The following CMIP variants were observed in gnomAD, a reference collection of about 807,000 sequenced individuals.
CMIP encodes c-Maf inducing protein, also known as C-Maf-inducing protein.
In CMIP, 13 loss-of-function variants were observed where a neutral mutation model predicts 97.3. The ratio of observed to expected loss-of-function variants is 0.13; its 90% CI spans 0.09 to 0.21. The LOEUF is 0.21. Among genes scored for constraint, CMIP ranks in the 10% least tolerant of loss-of-function variants. The pLI is 1.00. For synonymous variants in CMIP, 538 were observed against 436.3 expected, an observed-to-expected ratio of 1.23 and a Z score of -2.91; for missense variants, 847 against 1,024.9, an observed-to-expected ratio of 0.83 and a Z score of 2.37.
At chr16:81,629,875 C>T (rs1467994457) in intron 3 of CMIP, among the ~76,000 whole-genome samples, 1 of 152,218 alleles carries the variant, frequency 6.6e-6, no homozygotes, top group Non-Finnish European at 1.5e-5. Context: ...TTATAGATAA[C>T]GCAGCCATGA....
chr16:81,590,065 G>T (rs982331833), intron 1 of CMIP, among the ~76,000 whole-genome samples: 1 of 152,154 alleles, frequency 6.6e-6, no homozygotes, highest in Non-Finnish European at 1.5e-5. Context: ...CAGAGCTTCT[G>T]AAGCTCACTA....
rs1374820058 is a variant in CMIP at position 81,453,971 on chromosome 16, T to A, written c.300+8430T>A. On this transcript the variant is annotated intron_variant, in intron 1 of 20. Coordinates refer to ENST00000537098, the MANE Select transcript of CMIP (RefSeq NM_198390.3). This position sits in a 1 kb window ranked among gnomAD's most constrained non-coding sequence, Gnocchi z 4.0. Reference sequence around the variant, plus strand: ...AGGAGAGCATGGAAGCGATGACTACTCCCACCCCAGCATCCTTGGGATGCA... The same window carrying A: ...AGGAGAGCATGGAAGCGATGACTACACCCACCCCAGCATCCTTGGGATGCA... Among the ~76,000 whole-genome samples the A allele has an allele frequency of 6.6e-6, 1 of 152,256 alleles. No homozygotes were observed. The highest frequency in any genetic ancestry group is 2.4e-5 in the African/African-American group (1 of 41,546).
At chr16:81,448,991 C>T (rs146811460) in intron 1 of CMIP, among the ~76,000 whole-genome samples, 40 of 152,346 alleles carry the variant, frequency 2.6e-4, no homozygotes, top group East Asian at 2.5e-3. Context: ...CATAAGCGGC[C>T]GGGTTCGGCA....
intron 3 of CMIP, among the ~76,000 whole-genome samples, chr16:81,637,960 A>G (rs1293048990): frequency 6.6e-6 from 1 of 152,138 alleles, no homozygotes; most frequent in Non-Finnish European, 1.5e-5. Context: ...TTCTAAGGGC[A>G]CTGATCCCAT....
chr16:81,615,308 T>TATG (rs2091898313), intron 2 of CMIP, among the ~76,000 whole-genome samples: 1 of 87,772 alleles, frequency 1.1e-5, no homozygotes. Context: ...GTGTAACTGG[T>TATG]GTGTGTGTAT....
intron 1 of CMIP, among the ~76,000 whole-genome samples, chr16:81,580,050 G>C (rs779646284): frequency 1.3e-5 from 2 of 152,228 alleles, no homozygotes; most frequent in Non-Finnish European, 1.5e-5. Flanking sequence ...CTGAAGAACG[G>C]ATATTTCCAG....
intron 10 of CMIP, among the ~76,000 whole-genome samples, chr16:81,687,971 G>T (rs1905601373): frequency 6.6e-6 from 1 of 152,244 alleles, no homozygotes; most frequent in African/African-American, 2.4e-5. Flanking sequence ...CCTCTGGGTA[G>T]ATCCCATGAG....
At chr16:81,676,174 C>G (rs1904304961) in intron 9 of CMIP, among the ~76,000 whole-genome samples, 2 of 152,192 alleles carry the variant, frequency 1.3e-5, no homozygotes, top group African/African-American at 4.8e-5. Flanking sequence ...CTGCCTCGTG[C>G]CAGCCCTGGC....
intron 3 of CMIP, among the ~76,000 whole-genome samples, chr16:81,626,140 C>T (rs907228317): frequency 1.3e-4 from 20 of 152,260 alleles, no homozygotes; most frequent in Admixed American, 3.3e-4. Flanking sequence ...CATCCAGGCC[C>T]AGGCCTCTGT....
chr16:81,650,019 A>G (rs2092408909), intron 3 of CMIP, among the ~76,000 whole-genome samples: 1 of 152,172 alleles, frequency 6.6e-6, no homozygotes, highest in Non-Finnish European at 1.5e-5. Flanking sequence ...GCTTTGGTTG[A>G]CAGTAACTAG....
chr16:81,588,137 C>A (rs2091412121), intron 1 of CMIP, among the ~76,000 whole-genome samples: 1 of 152,288 alleles, frequency 6.6e-6, no homozygotes, highest in African/African-American at 2.4e-5. Context: ...TAGGATCAAA[C>A]AGAACGAGAC....
At chr16:81,624,933 C>T (rs531151353) in intron 3 of CMIP, among the ~76,000 whole-genome samples, 1 of 152,146 alleles carries the variant, frequency 6.6e-6, no homozygotes, top group South Asian at 2.1e-4. Flanking sequence ...GGTTGTAGCT[C>T]CCATGTTGGA....
chr16:81,637,802 C>T lies in CMIP; in HGVS notation c.478-14401C>T, dbSNP rs115622142. 2.5e-3 allele frequency among the ~76,000 whole-genome samples: 379 copies of T among 152,212 alleles called. 1 individual carries two copies. The highest frequency in any genetic ancestry group is 8.8e-3 in the African/African-American group (367 of 41,540). The stretch of plus-strand genomic sequence containing the variant: ...GGCTGGGACCTGCCAGCCTCCCTGG[C>T]GCAACAGAAATTCATTTCTCATGGT... On this transcript the variant is annotated intron_variant, in intron 3 of 20. Coordinates refer to ENST00000537098, the MANE Select transcript of CMIP (RefSeq NM_198390.3).
intron 1 of CMIP, among the ~76,000 whole-genome samples, chr16:81,568,039 G>GTGTGTGTGT (rs10629229): frequency 6.5e-4 from 54 of 82,542 alleles, no homozygotes; most frequent in South Asian, 6.4e-3. Context: ...GTGTGTGTGT[G>GTGTGTGTGT]TTTTTTTTTT....
At chr16:81,552,679 G>A (rs1000733105) in intron 1 of CMIP, among the ~76,000 whole-genome samples, 3 of 152,180 alleles carry the variant, frequency 2.0e-5, no homozygotes, top group African/African-American at 4.8e-5. Context: ...CATCTGCAAC[G>A]TCTCTTCTGC....
chr16:81,450,225 A>G (rs1906124185), intron 1 of CMIP, among the ~76,000 whole-genome samples: 1 of 152,212 alleles, frequency 6.6e-6, no homozygotes, highest in South Asian at 2.1e-4. Flanking sequence ...TTTTGTTGGC[A>G]TGGACATTGC....
intron 1 of CMIP, among the ~76,000 whole-genome samples, chr16:81,494,088 CT>C (rs2089449327): frequency 1.3e-5 from 2 of 152,228 alleles, no homozygotes; most frequent in African/African-American, 2.4e-5. Flanking sequence ...GGTAACACCC[CT>C]GTCCACCTGG....
At chr16:81,689,747 G>A (rs1270392814) in intron 10 of CMIP, among the ~76,000 whole-genome samples, 2 of 152,176 alleles carry the variant, frequency 1.3e-5, no homozygotes, top group Admixed American at 1.3e-4. Flanking sequence ...TGTCCTGAAA[G>A]GTATTGCCTA....
intron 3 of CMIP, among the ~76,000 whole-genome samples, chr16:81,649,814 G>A (rs958898883): frequency 3.2e-4 from 49 of 152,314 alleles, no homozygotes; most frequent in African/African-American, 1.1e-3. Context: ...GGTGGATTTT[G>A]TGAGATCATT....
Sources: allele counts gnomAD v4.1 joint callset (sites outside exome capture counted in the v4.1 genomes callset), GRCh38; gene constraint gnomAD v4.1.1; non-coding constraint Gnocchi (gnomAD v3.1); transcripts MANE v1.5; gene names NCBI Gene and HGNC (gene_info 2026-07-23, HGNC 2026-07-21).